The following PPFIBP2 variants were observed in gnomAD, a reference collection of about 807,000 sequenced individuals.
PPFIBP2 encodes PPFIB scaffold protein 2, also known as liprin-beta-2.
PPFIBP2 carries 118 observed loss-of-function variants against 118.3 expected under a neutral mutation model. The ratio of observed to expected loss-of-function variants is 1.00; its 90% CI spans 0.86 to 1.16. The LOEUF is 1.16. Ranked by LOEUF, PPFIBP2 falls within the 50% of genes most tolerant of loss-of-function variation. The pLI is 0.00. For synonymous variants in PPFIBP2, 414 were observed against 397.4 expected (o/e 1.04, Z -0.50); for missense variants, 1,195 against 1,073.1 (o/e 1.11, Z -1.59).
intron 5 of PPFIBP2, among the ~76,000 whole-genome samples, chr11:7,598,912 C>T (rs75196349): frequency 0.011 from 1,609 of 152,250 alleles, 28 homozygotes; most frequent in African/African-American, 0.037. Flanking sequence ...AAATGTAAGT[C>T]AGTGTTTTTA....
chr11:7,566,324 C>T (rs914929780), intron 3 of PPFIBP2, among the ~76,000 whole-genome samples: 4 of 152,158 alleles, frequency 2.6e-5, no homozygotes, highest in Non-Finnish European at 4.4e-5. Flanking sequence ...TGTATCTGGA[C>T]AAAGAATGCA....
chr11:7,598,249 A>T (rs1366146618), intron 5 of PPFIBP2: 1 of 309,430 alleles, frequency 3.2e-6, no homozygotes, highest in Non-Finnish European at 6.3e-6. Flanking sequence ...CACAAGAGAT[A>T]TGCAATTTAG....
chr11:7,664,871 A>C, the PPFIBP2 span, among the ~76,000 whole-genome samples: 1 of 128,710 alleles, frequency 7.8e-6, no homozygotes, highest in Admixed American at 9.2e-5. Flanking sequence ...CAGTTTCTGG[A>C]ACCTGACTTT....
In PPFIBP2 at chr11:7,639,878, T is replaced by A. The variant is rs1021671726; in HGVS notation, c.1375+8T>A. Reference sequence around the variant, plus strand: ...GCAGCCTGCTGAGGCTGAGTGAGTGTCCAGCCCTGGTGCTGGTGGCCTCTG... The same window carrying A: ...GCAGCCTGCTGAGGCTGAGTGAGTGACCAGCCCTGGTGCTGGTGGCCTCTG... On this transcript the variant is annotated splice_region_variant and intron_variant, in intron 15 of 23. Coordinates refer to ENST00000299492, the MANE Select transcript of PPFIBP2 (RefSeq NM_003621.5). 1.9e-6 allele frequency: 3 copies of A among 1,612,428 alleles called. No individual in the cohort carries two copies. The highest frequency in any genetic ancestry group is 2.5e-6 in the Non-Finnish European group (3 of 1,179,398).
chr11:7,603,998 G>C (rs1033772198), intron 5 of PPFIBP2, among the ~76,000 whole-genome samples: 1 of 152,154 alleles, frequency 6.6e-6, no homozygotes, highest in African/African-American at 2.4e-5. Context: ...TACTGCGGTA[G>C]CTGCATGACT....
At chr11:7,534,827 G>A (rs1851057928) in intron 1 of PPFIBP2, among the ~76,000 whole-genome samples, 1 of 152,202 alleles carries the variant, frequency 6.6e-6, no homozygotes, top group Non-Finnish European at 1.5e-5. Context: ...TGGCCACAAC[G>A]CAAATGCCTG....
chr11:7,631,567 G>A (rs936492827), intron 11 of PPFIBP2, among the ~76,000 whole-genome samples: 1 of 152,014 alleles, frequency 6.6e-6, no homozygotes, highest in Non-Finnish European at 1.5e-5. Context: ...TGGTCCTATT[G>A]TATGAATCTC....
chr11:7,523,315 T>C (rs1278021813), intron 1 of PPFIBP2, among the ~76,000 whole-genome samples: 1 of 152,344 alleles, frequency 6.6e-6, no homozygotes, highest in East Asian at 1.9e-4. Flanking sequence ...TGGTCACTTC[T>C]GTTTCTTGAG....
chr11:7,610,713 G>A (rs1269724602), intron 6 of PPFIBP2, among the ~76,000 whole-genome samples: 1 of 152,170 alleles, frequency 6.6e-6, no homozygotes, highest in African/African-American at 2.4e-5. Context: ...AATGTGGAGG[G>A]ACACAAGATG....
chr11:7,646,485 G>A (rs7130712), intron 17 of PPFIBP2, among the ~76,000 whole-genome samples: 10,215 of 152,198 alleles, frequency 0.067, 971 homozygotes, highest in African/African-American at 0.21. Context: ...TAAATCAACC[G>A]TCTGTTGTCA....
At chr11:7,597,087 A>G in intron 4 of PPFIBP2, 1 of 1,227,782 alleles carries the variant, frequency 8.1e-7, no homozygotes, top group Non-Finnish European at 1.1e-6. Flanking sequence ...TAATTGCATC[A>G]AAACACTCAC....
At chr11:7,607,418 A>G (rs1847527029) in intron 5 of PPFIBP2, among the ~76,000 whole-genome samples, 2 of 150,808 alleles carry the variant, frequency 1.3e-5, no homozygotes, top group African/African-American at 4.9e-5. Flanking sequence ...GCAGGGTTCC[A>G]CTATGTTGTC....
At chr11:7,665,516 G>T in the PPFIBP2 span, 4 of 1,612,342 alleles carry the variant, frequency 2.5e-6, no homozygotes. Context: ...GATCATGTCG[G>T]CAGTAACGAA....
chr11:7,603,649 G>T (rs999932008), intron 5 of PPFIBP2, among the ~76,000 whole-genome samples: 1 of 152,128 alleles, frequency 6.6e-6, no homozygotes, highest in African/African-American at 2.4e-5. Context: ...TAGGTTGAAA[G>T]GCAAATTCTT....
chr11:7,541,475 C>T (rs1268648665), intron 1 of PPFIBP2, among the ~76,000 whole-genome samples: 1 of 152,182 alleles, frequency 6.6e-6, no homozygotes, highest in African/African-American at 2.4e-5. Context: ...ACTGCGCCCT[C>T]TATCCAGAAA....
At chr11:7,516,521 G>A (rs979288153) in intron 1 of PPFIBP2, among the ~76,000 whole-genome samples, 1 of 152,066 alleles carries the variant, frequency 6.6e-6, no homozygotes, top group Non-Finnish European at 1.5e-5. Context: ...GTATTGGTTC[G>A]AACCCCGAGA....
At chr11:7,665,335 T>C in the PPFIBP2 span, 4 of 1,452,200 alleles carry the variant, frequency 2.8e-6, no homozygotes, top group Non-Finnish European at 3.7e-6. Context: ...CTGAAACAGA[T>C]GAAAAGGGAC....
intron 1 of PPFIBP2, among the ~76,000 whole-genome samples, chr11:7,541,562 C>T (rs540346313): frequency 1.6e-4 from 24 of 152,284 alleles, no homozygotes; most frequent in African/African-American, 4.1e-4. Flanking sequence ...CTCTTCTCCC[C>T]GGTGGCTGCA....
intron 6 of PPFIBP2, among the ~76,000 whole-genome samples, chr11:7,619,607 AG>A (rs1370549262): frequency 1.3e-5 from 2 of 152,256 alleles, no homozygotes; most frequent in Non-Finnish European, 2.9e-5. Context: ...TTGACTGTCC[AG>A]GCTGTCAGTG....
Sources: allele counts gnomAD v4.1 joint callset (sites outside exome capture counted in the v4.1 genomes callset), GRCh38; gene constraint gnomAD v4.1.1; transcripts MANE v1.5; gene names NCBI Gene and HGNC (gene_info 2026-07-23, HGNC 2026-07-21).